LARS2: variants seen among roughly 807,000 people sequenced by gnomAD.
LARS2 encodes leucyl-tRNA synthetase 2, mitochondrial, also known as leucine--tRNA ligase, mitochondrial.
LARS2 carries 81 observed loss-of-function variants against 116.6 expected under a neutral mutation model. That is an observed-to-expected ratio of 0.69 (90% CI 0.58 to 0.84). The LOEUF (loss-of-function observed/expected upper bound fraction) is 0.84, where lower values mean the gene tolerates loss of function less well. LARS2 is among the 40% of genes least tolerant of loss of function. The pLI, the probability that LARS2 is intolerant of heterozygous loss-of-function variation, is 0.00. For synonymous variants in LARS2, 396 were observed against 407.2 expected (o/e 0.97, Z 0.33); for missense variants, 968 against 1,114.5 (o/e 0.87, Z 1.87).
At chr3:45,447,247 A>G (rs1699037499) in intron 7 of LARS2, among the ~76,000 whole-genome samples, 1 of 152,138 alleles carries the variant, frequency 6.6e-6, no homozygotes, top group South Asian at 2.1e-4. Context: ...GGCTTCTCAA[A>G]TCCTAGCTCA....
intron 3 of LARS2, among the ~76,000 whole-genome samples, chr3:45,398,463 C>A (rs3774698): frequency 0.19 from 28,913 of 152,182 alleles, 3,028 homozygotes; most frequent in Middle Eastern, 0.32. Context: ...TCAGGGGAAG[C>A]AAATTCTTAA....
At chr3:45,415,895 A>G (rs6763826) in intron 4 of LARS2, among the ~76,000 whole-genome samples, 226 of 21,018 alleles carry the variant, frequency 0.011, 4 homozygotes, top group African/African-American at 0.033. Context: ...AGAGAGAGGG[A>G]GAGAGAGAGA....
chr3:45,546,284 A>G (rs555257674), intron 21 of LARS2, among the ~76,000 whole-genome samples: 3 of 152,326 alleles, frequency 2.0e-5, no homozygotes, highest in African/African-American at 7.2e-5. Flanking sequence ...GGCAGCTTCT[A>G]ATGGCTCAGA....
chr3:45,390,199 A>G (rs1697915210), intron 1 of LARS2, among the ~76,000 whole-genome samples: 1 of 152,142 alleles, frequency 6.6e-6, no homozygotes, highest in African/African-American at 2.4e-5. Context: ...TTTAATTTGC[A>G]TTTATTTGAT....
intron 7 of LARS2, among the ~76,000 whole-genome samples, chr3:45,450,514 G>A (rs929351732): frequency 2.0e-5 from 3 of 151,986 alleles, no homozygotes; most frequent in Admixed American, 2.0e-4. Context: ...TCTATGCCTG[G>A]CTTATGTCAC....
intron 8 of LARS2, among the ~76,000 whole-genome samples, chr3:45,468,912 A>C (rs1699477664): frequency 6.6e-6 from 1 of 152,176 alleles, no homozygotes; most frequent in Non-Finnish European, 1.5e-5. Context: ...CACCATTTAC[A>C]TGTATAGGAG....
intron 6 of LARS2, among the ~76,000 whole-genome samples, chr3:45,431,296 T>G (rs35104704): frequency 0.14 from 20,713 of 152,280 alleles, 1,726 homozygotes; most frequent in Middle Eastern, 0.2. Context: ...CCAAGCTGAC[T>G]AAGATAAATC....
At position 45,408,078 on chromosome 3, in the gene LARS2, G is replaced by A. The variant is rs562820277; in HGVS notation, c.363+7705G>A. 3.3e-5 allele frequency among the ~76,000 whole-genome samples: 5 copies of A among 152,218 alleles called. No homozygotes were observed. In the South Asian group the frequency reaches 6.2e-4, roughly 19 times the overall value. On this transcript the variant is annotated intron_variant, in intron 4 of 21. Coordinates refer to ENST00000645846, the MANE Select transcript of LARS2 (RefSeq NM_015340.4). Reference sequence around the variant, plus strand: ...ACCCATTTCTACATAAGGCCCCCCCGTCCCCAGGCAATAACCTCTGGCATT... The same window carrying A: ...ACCCATTTCTACATAAGGCCCCCCCATCCCCAGGCAATAACCTCTGGCATT...
rs747618737 is a variant in LARS2 at position 45,485,777 on chromosome 3, C to G, written c.1104C>G (p.Gly368=). 1.2e-5 allele frequency: 19 copies of G among 1,608,114 alleles called. No homozygotes were observed. The East Asian group carries it at 4.0e-4, about 34-fold the overall frequency. The change falls in exon 11 of 22, where the codon GGC becomes GGG. Residue 368 remains glycine (G), a synonymous_variant. Coordinates refer to ENST00000645846, the MANE Select transcript of LARS2 (RefSeq NM_015340.4). ...TTTTGGCCAAAGCTGACTTGGAAGGCTCTCTGGATTCAAAAATAGGTAAGC... is the reference window on the plus strand; with the variant it reads ...TTTTGGCCAAAGCTGACTTGGAAGGGTCTCTGGATTCAAAAATAGGTAAGC... ...VVILAKADLE[G]SLDSKIGIPS...
At chr3:45,488,656 A>G (rs1282876249) in intron 11 of LARS2, 41 bp from the exon 12 acceptor site, 1 of 1,224,726 alleles carries the variant, frequency 8.2e-7, no homozygotes, top group Admixed American at 1.7e-5. Context: ...TGATTTGGGC[A>G]CTTGTGAAGG....
At chr3:45,473,695 T>G (rs1477233901) in intron 8 of LARS2, among the ~76,000 whole-genome samples, 11 of 151,676 alleles carry the variant, frequency 7.3e-5, no homozygotes, top group Non-Finnish European at 1.2e-4. Flanking sequence ...GTTGTTGTTT[T>G]TTTTTTTTTT....
At chr3:45,395,138 AGG>A (rs1284794680) in intron 3 of LARS2, among the ~76,000 whole-genome samples, 1 of 152,108 alleles carries the variant, frequency 6.6e-6, no homozygotes, top group African/African-American at 2.4e-5. Context: ...ACTCCAGGAG[AGG>A]CACCTGGGCT....
intron 6 of LARS2, among the ~76,000 whole-genome samples, chr3:45,437,671 C>T (rs571886413): frequency 6.4e-4 from 97 of 152,206 alleles, no homozygotes; most frequent in Admixed American, 1.3e-3. Flanking sequence ...GGTACAAGTA[C>T]TGGGTCACTT....
intron 20 of LARS2, among the ~76,000 whole-genome samples, chr3:45,528,752 A>G (rs1238792978): frequency 6.6e-6 from 1 of 152,144 alleles, no homozygotes; most frequent in African/African-American, 2.4e-5. Flanking sequence ...ATAGTAGTTC[A>G]TTCCCTTTTA....
At chr3:45,394,122 G>C (rs1420966901) in intron 2 of LARS2, among the ~76,000 whole-genome samples, 1 of 152,194 alleles carries the variant, frequency 6.6e-6, no homozygotes, top group East Asian at 1.9e-4. Flanking sequence ...CCCATGGGGA[G>C]GGGAGGGAGG....
chr3:45,501,369 T>C (rs775350302), intron 15 of LARS2, among the ~76,000 whole-genome samples: 7 of 151,892 alleles, frequency 4.6e-5, no homozygotes, highest in Non-Finnish European at 8.8e-5. Context: ...GCATGTATTT[T>C]TAAACTATAT....
intron 2 of LARS2, among the ~76,000 whole-genome samples, chr3:45,393,561 C>T (rs1575225460): frequency 1.3e-5 from 2 of 151,694 alleles, no homozygotes; most frequent in Admixed American, 6.6e-5. Context: ...GGCAATAGAG[C>T]GAGACTCTGT....
intron 6 of LARS2, among the ~76,000 whole-genome samples, chr3:45,443,894 C>T (rs1481609312): frequency 3.3e-5 from 5 of 152,152 alleles, no homozygotes; most frequent in African/African-American, 1.2e-4. Flanking sequence ...CTCCCTTTGC[C>T]TCAGAGCTGA....
intron 6 of LARS2, among the ~76,000 whole-genome samples, chr3:45,445,220 T>C (rs1427236963): frequency 6.6e-6 from 1 of 152,186 alleles, no homozygotes; most frequent in East Asian, 1.9e-4. Flanking sequence ...TTTGGGTGCC[T>C]CAATGTGCCA....
Sources: gnomAD v4.1 joint callset for allele counts (sites outside exome capture counted in the v4.1 genomes callset) on GRCh38, gnomAD v4.1.1 for gene constraint, MANE v1.5 for transcripts, NCBI Gene and HGNC (gene_info 2026-07-23, HGNC 2026-07-21) for gene names.